The following B3GNT2 variants were observed in gnomAD, a reference collection of about 807,000 sequenced individuals.
The protein encoded by B3GNT2 is UDP-GlcNAc:betaGal beta-1,3-N-acetylglucosaminyltransferase 2.
B3GNT2 carries 12 observed loss-of-function variants against 27.6 expected under a neutral mutation model. The ratio of observed to expected loss-of-function variants is 0.44; its 90% confidence interval spans 0.28 to 0.71. The LOEUF (loss-of-function observed/expected upper bound fraction) is 0.71. Among genes scored for constraint, B3GNT2 ranks in the 30% least tolerant of loss-of-function variants. B3GNT2 has a pLI of 0.17. For missense variants in B3GNT2, 413 were observed against 488.5 expected (o/e 0.85, Z 1.46); for synonymous variants, 192 against 189.7 (o/e 1.01, Z -0.10).
At chr2:62,200,469 G>A (rs376981464) in intron 1 of B3GNT2, among the ~76,000 whole-genome samples, 12 of 152,226 alleles carry the variant, frequency 7.9e-5, no homozygotes, top group East Asian at 5.8e-4. Context: ...ATAATCCAAG[G>A]TAATCAATTC....
chr2:62,210,386 C>T (rs1047161780), intron 1 of B3GNT2, among the ~76,000 whole-genome samples: 1 of 151,978 alleles, frequency 6.6e-6, no homozygotes, highest in African/African-American at 2.4e-5. Context: ...GGGCAAAGGG[C>T]ATGGGGGAGT....
At chr2:62,211,726 A>G (rs1479624412) in intron 1 of B3GNT2, among the ~76,000 whole-genome samples, 1 of 152,078 alleles carries the variant, frequency 6.6e-6, no homozygotes, top group South Asian at 2.1e-4. Context: ...CTGCCCTTCT[A>G]GTGTGGCCTC....
At chr2:62,202,561 A>T (rs1409363479) in intron 1 of B3GNT2, among the ~76,000 whole-genome samples, 3 of 151,542 alleles carry the variant, frequency 2.0e-5, no homozygotes, top group African/African-American at 7.3e-5. Flanking sequence ...TGGTCAGGGG[A>T]GAGAGAGAGA....
At chr2:62,213,377 A>G (rs1319076593) in intron 1 of B3GNT2, among the ~76,000 whole-genome samples, 2 of 152,148 alleles carry the variant, frequency 1.3e-5, no homozygotes, top group African/African-American at 2.4e-5. Flanking sequence ...TCCTCTAGAT[A>G]TGCTTCCCAT....
At chr2:62,213,529 A>G (rs1674516635) in intron 1 of B3GNT2, among the ~76,000 whole-genome samples, 1 of 152,118 alleles carries the variant, frequency 6.6e-6, no homozygotes, top group Non-Finnish European at 1.5e-5. Context: ...ACCTGGAAGC[A>G]CTGCTCAATC....
intron 1 of B3GNT2, among the ~76,000 whole-genome samples, chr2:62,216,227 A>T (rs949849502): frequency 1.2e-4 from 18 of 152,088 alleles, no homozygotes; most frequent in African/African-American, 4.1e-4. Flanking sequence ...TCTAGTGTCC[A>T]TGAGTGAAAC....
chr2:62,205,959 C>G (rs528593514), intron 1 of B3GNT2: 1 of 154,212 alleles, frequency 6.5e-6, no homozygotes, highest in Non-Finnish European at 1.5e-5. Flanking sequence ...AGGATGAAAT[C>G]GATGGACTGG....
At chr2:62,200,442 A>G (rs1276635363) in intron 1 of B3GNT2, among the ~76,000 whole-genome samples, 1 of 152,168 alleles carries the variant, frequency 6.6e-6, no homozygotes, top group Non-Finnish European at 1.5e-5. Flanking sequence ...AGCTTACCAG[A>G]ATGTTTGAAA....
In B3GNT2 at chr2:62,220,701, T is replaced by C. The variant is rs563136901; in HGVS notation, c.-9-1511T>C. 5.0e-4 allele frequency among the ~76,000 whole-genome samples: 76 copies of C among 152,332 alleles called. No individual in the cohort carries two copies. The South Asian group carries it at 0.011, about 21-fold the overall frequency. ...TACCTCCTCAGGTATAAAATGGGAA[T>C]GAGTAATAGTACCTAAGGATAAATT... On this transcript the variant is annotated intron_variant, in intron 1 of 1. Transcript: ENST00000301998.
intron 1 of B3GNT2, among the ~76,000 whole-genome samples, chr2:62,197,496 C>G (rs896964914): frequency 1.3e-5 from 2 of 152,214 alleles, no homozygotes; most frequent in Non-Finnish European, 2.9e-5. Context: ...GCTTAGCTCA[C>G]AGGTGCCTGA....
chr2:62,216,072 C>A, intron 1 of B3GNT2, among the ~76,000 whole-genome samples: 1 of 152,136 alleles, frequency 6.6e-6, no homozygotes. Context: ...GGGAGTCAGA[C>A]CCTGCCTGAG....
Position 62,213,830 on chromosome 2 carries a change from G to T in B3GNT2, c.-9-8382G>T, listed in dbSNP as rs552315013. The stretch of plus-strand genomic sequence containing the variant: ...TCCATTGTCATCTCTTAGGAGAAAG[G>T]GTGTATATATATATATAATCTGGTT... On this transcript the variant is annotated intron_variant, in intron 1 of 1. Transcript: ENST00000301998. 6.6e-5 allele frequency among the ~76,000 whole-genome samples: 10 copies of T among 152,056 alleles called. No homozygotes were observed. The South Asian group carries it at 1.9e-3, about 28-fold the overall frequency.
intron 1 of B3GNT2, among the ~76,000 whole-genome samples, chr2:62,213,736 C>T (rs1463932147): frequency 1.3e-5 from 2 of 152,168 alleles, no homozygotes; most frequent in East Asian, 3.8e-4. Flanking sequence ...TTTTCTGTTA[C>T]CCTTTAGTTC....
At chr2:62,196,792 CGGGGCGCGCGGGCATTTCGGGGAGG>C (rs1247252401) in intron 1 of B3GNT2, among the ~76,000 whole-genome samples, 2 of 152,152 alleles carry the variant, frequency 1.3e-5, no homozygotes, top group Admixed American at 6.5e-5. Context: ...CCTCCTCATC[CGGGGCGCGCGGGCATTTCGGGGAGG>C]GGGGCGCGCG....
chr2:62,215,100 T>G (rs1674548169), intron 1 of B3GNT2, among the ~76,000 whole-genome samples: 1 of 152,212 alleles, frequency 6.6e-6, no homozygotes, highest in African/African-American at 2.4e-5. Context: ...TTCGGGGGGT[T>G]GTAATCAGTG....
chr2:62,219,560 G>A (rs1410772098), intron 1 of B3GNT2, among the ~76,000 whole-genome samples: 3 of 152,120 alleles, frequency 2.0e-5, no homozygotes, highest in East Asian at 1.9e-4. Context: ...GTTTACAGGC[G>A]TGAGTCACTC....
chr2:62,202,777 C>A (rs185168859), intron 1 of B3GNT2, among the ~76,000 whole-genome samples: 9 of 152,284 alleles, frequency 5.9e-5, no homozygotes, highest in Admixed American at 5.9e-4. Flanking sequence ...TACTCAGAAT[C>A]CTCCAGTCAG....
intron 1 of B3GNT2, among the ~76,000 whole-genome samples, chr2:62,216,407 T>C (rs1674573481): frequency 2.2e-5 from 3 of 136,714 alleles, no homozygotes; most frequent in Admixed American, 2.2e-4. Context: ...TTTTTCTTTT[T>C]TTTTGTTTTT....
At position 62,222,364 on chromosome 2, in the gene B3GNT2, C is replaced by T. The variant is rs980888736; in HGVS notation, c.144C>T (p.Phe48=). 5.0e-6 allele frequency: 8 copies of T among 1,614,122 alleles called. No individual in the cohort carries two copies. In the East Asian group the frequency reaches 8.9e-5, roughly 18 times the overall value. ...AAGTAATAATACCCAAAGAGAAGTTCTGGAAGATATCTACCCCTCCCGAGG... is the reference window on the plus strand; with the variant it reads ...AAGTAATAATACCCAAAGAGAAGTTTTGGAAGATATCTACCCCTCCCGAGG... The part of the protein sequence containing the change: ...KGEVIIPKEK[F]WKISTPPEAY... Residue 48 remains phenylalanine (F), a synonymous_variant, in exon 2 of 2, where the codon TTC becomes TTT. Coordinates refer to ENST00000301998, the MANE Select transcript of B3GNT2 (RefSeq NM_006577.6). The surrounding 1 kb of genome is among the most constrained non-coding windows in gnomAD (Gnocchi z 4.2).
Sources: allele counts gnomAD v4.1 joint callset (sites outside exome capture counted in the v4.1 genomes callset), GRCh38; gene constraint gnomAD v4.1.1; non-coding constraint Gnocchi (gnomAD v3.1); transcripts MANE v1.5; gene names NCBI Gene and HGNC (gene_info 2026-07-23, HGNC 2026-07-21).